Variants in CUL4B observed in about 807,000 individuals in gnomAD.
The protein encoded by CUL4B is cullin-4B.
A neutral mutation model predicts 69.2 loss-of-function variants in CUL4B; 1 was observed. That is an observed-to-expected ratio of 0.01 (90% CI 0.01 to 0.07). The LOEUF is 0.07. Ranked by LOEUF, CUL4B falls within the 10% of genes least tolerant of loss-of-function variation. The pLI is 1.00. For missense variants in CUL4B, 328 were observed against 638.8 expected (o/e 0.51, Z 5.24); for synonymous variants, 237 against 223.2 (o/e 1.06, Z -0.55).
At chrX:120,555,853 G>C (rs1924929984) in intron 2 of CUL4B, among the ~76,000 whole-genome samples, 1 of 104,466 alleles carries the variant, frequency 9.6e-6, no homozygotes, top group African/African-American at 3.5e-5. Context: ...GAGGCAAGAG[G>C]ATCACTTGAG....
In CUL4B at chrX:120,544,424, G is replaced by C. The variant is rs972046792; in HGVS notation, c.1083+57C>G. 6 of 1,155,461 alleles carry C rather than the reference G, an allele frequency of 5.2e-6. No homozygotes were observed. In the East Asian group the frequency reaches 1.8e-4, roughly 34 times the overall value. On this transcript the variant is annotated intron_variant, in intron 6 of 19. Transcript: ENST00000371322. ...AGCACATTACCTGTCTGATGTGGGG[G>C]GAAAAAAAACTAGGATAGCAATCAG...
chrX:120,554,617 C>T (rs1333582997), intron 2 of CUL4B, among the ~76,000 whole-genome samples: 2 of 112,320 alleles, frequency 1.8e-5, no homozygotes, highest in East Asian at 5.5e-4. Flanking sequence ...ATGCAACCCA[C>T]ACTAGGGACT....
chrX:120,538,539 T>A (rs1923802021), intron 13 of CUL4B, 121 bp downstream of exon 13: 2 of 544,075 alleles, frequency 3.7e-6, no homozygotes, highest in African/African-American at 4.6e-5. Flanking sequence ...TTGCTCAATT[T>A]ATGTTTTCAT....
Position 120,560,600 on chromosome X carries a change from AGCT to A in CUL4B, c.36_38del (p.Ala17del), listed in dbSNP as rs947995264. ...ATCTGACCTCCTGAGCAGCAGCAGC[AGCT>A]GAGGGACTGGGGGAAGAAAAACCTG... is the stretch of plus-strand genomic sequence containing the variant. On this transcript the variant is annotated inframe_deletion, in exon 1 of 20. Coordinates refer to ENST00000371322, the MANE Select transcript of CUL4B (RefSeq NM_001079872.2). 1 of 1,205,675 alleles carries A rather than the reference AGCT, an allele frequency of 8.3e-7. No individual in the cohort carries two copies. The highest frequency in any genetic ancestry group is 1.1e-6 in the Non-Finnish European group (1 of 894,540).
chrX:120,530,052 ACTTT>A, intron 19 of CUL4B, 46 bp downstream of exon 19: 3 of 1,125,925 alleles, frequency 2.7e-6, no homozygotes, highest in Non-Finnish European at 3.7e-6. Context: ...AATCTAATGT[ACTTT>A]CTTTTATTTA....
chrX:120,543,495 AACACACACACACACACAC>A (rs60058698), intron 8 of CUL4B, among the ~76,000 whole-genome samples: 237 of 98,175 alleles, frequency 2.4e-3, no homozygotes, highest in African/African-American at 8.1e-3. Flanking sequence ...TTACCTTCTA[AACACACACACACACACAC>A]ACACACACAC....
At chrX:120,574,206 T>C (rs112414111) in intron 2 of CUL4B, among the ~76,000 whole-genome samples, 17,150 of 104,764 alleles carry the variant, frequency 0.16, 1,310 homozygotes, top group South Asian at 0.28. Context: ...TTCCTAGACA[T>C]GTTGTTAACA....
At chrX:120,532,311 A>G (rs1008571129) in intron 18 of CUL4B, 111 bp downstream of exon 18, 1 of 619,272 alleles carries the variant, frequency 1.6e-6, no homozygotes, top group African/African-American at 2.3e-5. Flanking sequence ...CATAGACACA[A>G]AAAATATTAA....
At chrX:120,542,061 C>A (rs1443727914) in intron 9 of CUL4B, among the ~76,000 whole-genome samples, 1 of 110,569 alleles carries the variant, frequency 9.0e-6, no homozygotes, top group Non-Finnish European at 1.9e-5. Flanking sequence ...AGACCCCCTC[C>A]CCCTCTCTAT....
chrX:120,548,137 A>G (rs1924445713), intron 2 of CUL4B, among the ~76,000 whole-genome samples: 1 of 111,355 alleles, frequency 9.0e-6, no homozygotes, highest in Non-Finnish European at 1.9e-5. Flanking sequence ...AGCTGGGCCC[A>G]GTGGTGTGTA....
At chrX:120,536,241 G>GC (rs1923663938) in intron 15 of CUL4B, among the ~76,000 whole-genome samples, 1 of 112,893 alleles carries the variant, frequency 8.9e-6, no homozygotes, top group South Asian at 3.5e-4. Context: ...TGTTGCTTCT[G>GC]CATTGGTTTC....
At chrX:120,575,051 T>A (rs1369720383) in intron 1 of CUL4B, among the ~76,000 whole-genome samples, 2 of 111,808 alleles carry the variant, frequency 1.8e-5, no homozygotes, top group Non-Finnish European at 3.8e-5. Flanking sequence ...ACAAATTTTC[T>A]TCTGTTCCTG....
chrX:120,549,967 C>T (rs1489466166), intron 2 of CUL4B, among the ~76,000 whole-genome samples: 1 of 111,911 alleles, frequency 8.9e-6, no homozygotes, highest in Non-Finnish European at 1.9e-5. Flanking sequence ...CTATTTATCC[C>T]ATTTCCTTCT....
At chrX:120,540,207 A>G (rs1300397929) in intron 11 of CUL4B, among the ~76,000 whole-genome samples, 163 bp downstream of exon 11, 2 of 112,254 alleles carry the variant, frequency 1.8e-5, no homozygotes, top group African/African-American at 6.5e-5. Context: ...TTCAGTACTT[A>G]CATCCAGGTT....
intron 19 of CUL4B, among the ~76,000 whole-genome samples, chrX:120,527,062 CTTT>C (rs918835696): frequency 9.9e-6 from 1 of 100,815 alleles, no homozygotes. Context: ...GTTGAAGATT[CTTT>C]TTTTTTTTTT....
At chrX:120,554,056 A>T (rs1924833508) in intron 2 of CUL4B, among the ~76,000 whole-genome samples, 1 of 111,823 alleles carries the variant, frequency 8.9e-6, no homozygotes, top group Non-Finnish European at 1.9e-5. Flanking sequence ...CCCAGTGTAG[A>T]TTTAGAATTT....
At chrX:120,563,811 C>T (rs1029365700), upstream of CUL4B, among the ~76,000 whole-genome samples, 2 of 112,068 alleles carry the variant, frequency 1.8e-5, no homozygotes, top group Non-Finnish European at 3.8e-5. Flanking sequence ...TAAAAAATTA[C>T]AAATATTAGT....
chrX:120,573,098 A>G (rs1402253950), intron 2 of CUL4B, among the ~76,000 whole-genome samples: 1 of 112,019 alleles, frequency 8.9e-6, no homozygotes, highest in Non-Finnish European at 1.9e-5. Context: ...AATAAAATTA[A>G]AAGTGTCTTT....
chrX:120,554,537 G>C (rs758939648), intron 2 of CUL4B, among the ~76,000 whole-genome samples: 3 of 112,451 alleles, frequency 2.7e-5, no homozygotes, highest in Non-Finnish European at 3.8e-5. Context: ...AAAAGACAAT[G>C]TTTGCTTACT....
Sources: allele counts gnomAD v4.1 joint callset (sites outside exome capture counted in the v4.1 genomes callset), GRCh38; gene constraint gnomAD v4.1.1; transcripts MANE v1.5; gene names NCBI Gene and HGNC (gene_info 2026-07-23, HGNC 2026-07-21).